Variants in FAM228B observed in about 807,000 individuals in gnomAD.
FAM228B encodes the protein protein FAM228B.
FAM228B carries 38 observed loss-of-function variants against 42.6 expected under a neutral mutation model. That is an observed-to-expected ratio of 0.89 (90% CI 0.69 to 1.17). The LOEUF is 1.17. FAM228B is among the 50% of genes most tolerant of loss of function. FAM228B has a pLI of 0.00. For missense variants in FAM228B, 344 were observed against 367.3 expected (o/e 0.94, Z 0.52); for synonymous variants, 109 against 122.3 (o/e 0.89, Z 0.72).
intron 2 of FAM228B, chr2:24,087,235 A>G (rs6545264): frequency 0.28 from 42,727 of 151,964 alleles, 6,488 homozygotes; most frequent in South Asian, 0.39. Flanking sequence ...TGCTGAATAA[A>G]CATCTCTTTC....
At chr2:24,167,916 G>A in intron 10 of FAM228B, 1 of 434,400 alleles carries the variant, frequency 2.3e-6, no homozygotes, top group South Asian at 3.2e-5. Flanking sequence ...ACTTCCAAGT[G>A]ATCTTCAGAG....
Position 24,124,436 on chromosome 2 carries a change from G to GC in FAM228B, c.78dup (p.Lys27GlnfsTer11). 6.4e-7 allele frequency: 1 copy of GC among 1,551,068 alleles called. No individual in the cohort carries two copies. The highest frequency in any genetic ancestry group is 2.4e-5 in the East Asian group (1 of 40,914). On this transcript the variant is annotated frameshift_variant, in exon 2 of 11. Coordinates refer to ENST00000615575, the MANE Select transcript of FAM228B (RefSeq NM_001145710.2). LOFTEE classifies it high-confidence loss of function. ...TCAAGAGCTCAAAAGAATGGTTGGA[G>GC]CCCAAGCCCCTTTGTTTTATGGAGG...
At chr2:24,081,641 A>G (rs1377657014) in intron 2 of FAM228B, among the ~76,000 whole-genome samples, 2 of 151,498 alleles carry the variant, frequency 1.3e-5, no homozygotes, top group Admixed American at 6.6e-5. Context: ...ACAAATCACA[A>G]TAGTCATCCT....
Position 24,169,572 on chromosome 2 carries a change from A to G in FAM228B, c.*231A>G, listed in dbSNP as rs192489101. 1 of 286,258 alleles carries G rather than the reference A, an allele frequency of 3.5e-6. No individual in the cohort carries two copies. The highest frequency in any genetic ancestry group is 3.2e-5 in the South Asian group (1 of 31,146). 17.7% of individuals were successfully genotyped at this position (286,258 alleles called of 1,614,324 possible). A position where few individuals can be genotyped will look rare whatever the true frequency, so the allele number is the denominator to read the frequency against. On this transcript the variant is annotated 3_prime_UTR_variant, in exon 11 of 11. Transcript: ENST00000615575. The surrounding 1 kb of genome is among the most constrained non-coding windows in gnomAD (Gnocchi z 4.2). ...GTGATAATTAAGAAATGGCAATACC[A>G]TGTATTTTCCCCAGAAGTTAAGAAA...
At chr2:24,155,531 ATTTTT>A (rs70944720) in intron 7 of FAM228B, among the ~76,000 whole-genome samples, 15 of 13,038 alleles carry the variant, frequency 1.2e-3, no homozygotes, top group African/African-American at 2.4e-3. Flanking sequence ...ATATATATAT[ATTTTT>A]TTTTTTTTTT....
At chr2:24,096,299 A>G (rs1442345198) in intron 3 of FAM228B, 1 of 152,222 alleles carries the variant, frequency 6.6e-6, no homozygotes, top group Non-Finnish European at 1.5e-5. Context: ...AGTCGACAGA[A>G]GTAGGCTTCA....
chr2:24,120,608 T>G (rs1448859387), upstream of FAM228B, among the ~76,000 whole-genome samples: 1 of 152,048 alleles, frequency 6.6e-6, no homozygotes, highest in Non-Finnish European at 1.5e-5. Flanking sequence ...CAAGCCGGAG[T>G]GCAATGGCAC....
chr2:24,113,466 A>G (rs1439804075), intron 3 of FAM228B, among the ~76,000 whole-genome samples: 2 of 152,150 alleles, frequency 1.3e-5, no homozygotes, highest in East Asian at 3.8e-4. Context: ...GCTACTCGGG[A>G]GGCTGAAGTG....
intron 9 of FAM228B, among the ~76,000 whole-genome samples, chr2:24,164,664 G>C (rs1279481235): frequency 6.6e-6 from 1 of 152,190 alleles, no homozygotes; most frequent in Non-Finnish European, 1.5e-5. Context: ...CTCTCAGTCC[G>C]CCATCTCCAC....
intron 4 of FAM228B, 150 bp downstream of exon 4, chr2:24,138,250 C>T: frequency 1.7e-6 from 1 of 587,132 alleles, no homozygotes; most frequent in Non-Finnish European, 2.9e-6. Flanking sequence ...TATTCTTAAA[C>T]CCAGGACATT....
intron 7 of FAM228B, among the ~76,000 whole-genome samples, chr2:24,149,122 CTGT>C (rs1421607224): frequency 3.3e-5 from 5 of 152,226 alleles, no homozygotes; most frequent in Non-Finnish European, 7.3e-5. Context: ...ATCCATTCAT[CTGT>C]TGATGGACAT....
At position 24,080,997 on chromosome 2, in the gene FAM228B, A is replaced by G. The variant is rs1435911584; in HGVS notation, c.-210+42A>G. The G allele has an allele frequency of 6.2e-6, 10 of 1,614,222 alleles. No individual in the cohort carries two copies. The Admixed American group carries it at 1.3e-4, about 22-fold the overall frequency. ...CTGTGCCCACACCACTCAGTCCTGC[A>G]TGGATTAGCACATAGTCTCCAGCCT... is the stretch of plus-strand genomic sequence containing the variant. On this transcript the variant is annotated intron_variant, in intron 2 of 10. Coordinates refer to the FAM228B transcript ENST00000613899. The surrounding 1 kb of genome is among the most constrained non-coding windows in gnomAD (Gnocchi z 4.7).
rs114663598 is a variant in FAM228B, at chr2:24,152,983, C to G, written c.686+5897C>G. On this transcript the variant is annotated intron_variant, in intron 7 of 10. Transcript: ENST00000615575. ...CCCTGTGGCCACCACCACCACTGGT[C>G]TATGGGGATTCTGCCAGGTCACCAC... Among the ~76,000 whole-genome samples the G allele has an allele frequency of 3.7e-3, 560 of 152,286 alleles. 6 individuals are homozygous for G. The highest frequency in any genetic ancestry group is 0.013 in the African/African-American group (525 of 41,584).
chr2:24,115,266 G>C (rs957734710), intron 3 of FAM228B: 4 of 283,008 alleles, frequency 1.4e-5, no homozygotes, highest in Non-Finnish European at 2.0e-5. Context: ...TGAGAGCCTT[G>C]CATTCTTGGC....
chr2:24,083,237 C>CTTTT, intron 2 of FAM228B: 1 of 1,316,754 alleles, frequency 7.6e-7, no homozygotes, highest in Non-Finnish European at 1.0e-6. Context: ...AAGATCCCCT[C>CTTTT]TTTTTTTTTT....
At chr2:24,153,532 A>G (rs1667068073) in intron 7 of FAM228B, among the ~76,000 whole-genome samples, 2 of 152,174 alleles carry the variant, frequency 1.3e-5, no homozygotes, top group African/African-American at 2.4e-5. Context: ...CCTGCCTGCT[A>G]TTCTATCCTG....
At chr2:24,093,596 G>A (rs1573732583) in intron 2 of FAM228B, among the ~76,000 whole-genome samples, 1 of 151,498 alleles carries the variant, frequency 6.6e-6, no homozygotes, top group Admixed American at 6.6e-5. Context: ...ATTGTAAACA[G>A]TGCTGCAATA....
intron 2 of FAM228B, among the ~76,000 whole-genome samples, chr2:24,133,452 A>G (rs1184660574): frequency 6.6e-6 from 1 of 152,208 alleles, no homozygotes. Context: ...GGGGAAGGAC[A>G]GTTCTTAGAT....
upstream of FAM228B, chr2:24,121,373 C>T: frequency 1.4e-6 from 2 of 1,461,758 alleles, no homozygotes; most frequent in Non-Finnish European, 1.9e-6. Context: ...AGCCCACTAC[C>T]TGTTTTTTAT....
Sources: gnomAD v4.1 joint callset for allele counts (sites outside exome capture counted in the v4.1 genomes callset) on GRCh38, gnomAD v4.1.1 for gene constraint, Gnocchi (gnomAD v3.1) non-coding constraint, MANE v1.5 for transcripts, NCBI Gene and HGNC (gene_info 2026-07-23, HGNC 2026-07-21) for gene names.